The following EYA1 variants were observed in gnomAD, a reference collection of about 807,000 sequenced individuals.
EYA1 encodes protein phosphatase EYA1.
In EYA1, 16 loss-of-function variants were observed where a neutral mutation model predicts 82.0. That is an observed-to-expected ratio of 0.20 (90% CI 0.13 to 0.30). The LOEUF is 0.30. EYA1 is among the 10% of genes least tolerant of loss of function. EYA1 has a pLI of 1.00. For synonymous variants in EYA1, 261 were observed against 264.4 expected (o/e 0.99, Z 0.12); for missense variants, 633 against 730.7 (o/e 0.87, Z 1.54).
At chr8:71,286,927 G>A (rs1327975067) in intron 9 of EYA1, among the ~76,000 whole-genome samples, 1 of 150,186 alleles carries the variant, frequency 6.7e-6, no homozygotes, top group African/African-American at 2.5e-5. Context: ...TCAGACTCCC[G>A]AGTAGCTGGG....
chr8:71,269,808 C>A lies in EYA1; in HGVS notation c.982G>T (p.Asp328Tyr). 1 of 1,613,496 alleles carries A rather than the reference C, an allele frequency of 6.2e-7. No homozygotes were observed. Among genetic ancestry groups the A allele is most frequent in the Non-Finnish European group, 8.5e-7 (1 of 1,179,538 alleles). ...DSDLERVFIWDLDETIIVFHS... is the reference protein window; with the variant it reads ...DSDLERVFIWYLDETIIVFHS... Reference sequence around the variant, plus strand: ...AAAACAATGATTGTCTCATCCAAGTCCCAGATGAACACTCTCTACAAAGGA... The same window carrying A: ...AAAACAATGATTGTCTCATCCAAGTACCAGATGAACACTCTCTACAAAGGA... The change falls in exon 11 of 18, where the codon GAC becomes TAC. Residue 328 changes from aspartate (D) to tyrosine (Y), a missense_variant. By Grantham distance (160) the Asp-to-Tyr change is radical (BLOSUM62 -3). Transcript: ENST00000340726.
At chr8:71,238,910 A>C (rs906971211) in intron 12 of EYA1, among the ~76,000 whole-genome samples, 2 of 152,066 alleles carry the variant, frequency 1.3e-5, no homozygotes, top group African/African-American at 2.4e-5. Flanking sequence ...TGCTAAGTAC[A>C]ATGTTTGCTA....
intron 4 of EYA1, among the ~76,000 whole-genome samples, chr8:71,331,287 T>TAC (rs1823829020): frequency 6.9e-6 from 1 of 145,000 alleles, no homozygotes; most frequent in African/African-American, 2.7e-5. Flanking sequence ...CACACACACA[T>TAC]ATATATACAT....
At chr8:71,278,846 G>A (rs1285737852) in intron 9 of EYA1, among the ~76,000 whole-genome samples, 1 of 152,204 alleles carries the variant, frequency 6.6e-6, no homozygotes, top group Non-Finnish European at 1.5e-5. Flanking sequence ...TATGCCAGTA[G>A]TGGTTGCAAA....
At chr8:71,353,341 T>G (rs1362307842) in intron 3 of EYA1, among the ~76,000 whole-genome samples, 2 of 152,230 alleles carry the variant, frequency 1.3e-5, no homozygotes, top group Non-Finnish European at 2.9e-5. Flanking sequence ...TGCTTTAATT[T>G]TATTTGCTCT....
intron 9 of EYA1, among the ~76,000 whole-genome samples, chr8:71,288,521 T>C (rs908232969): frequency 3.3e-5 from 5 of 152,210 alleles, no homozygotes; most frequent in African/African-American, 1.2e-4. Context: ...GAAGGTCTTC[T>C]GCAAAAGAAT....
At chr8:71,334,855 A>T (rs1329634840) in intron 3 of EYA1, among the ~76,000 whole-genome samples, 1 of 152,226 alleles carries the variant, frequency 6.6e-6, no homozygotes, top group African/African-American at 2.4e-5. Flanking sequence ...AAATACATAC[A>T]TGATATTTGG....
intron 11 of EYA1, among the ~76,000 whole-genome samples, chr8:71,257,014 AT>A: frequency 5.9e-5 from 9 of 152,188 alleles, no homozygotes; most frequent in African/African-American, 2.2e-4. Flanking sequence ...AAAAAATAAA[AT>A]AAAAAATAAT....
In EYA1 at chr8:71,282,220, G is replaced by T. The variant is rs144149018; in HGVS notation, c.827-10323C>A. Among the ~76,000 whole-genome samples, 438 of 152,262 alleles carry T rather than the reference G, an allele frequency of 2.9e-3. 1 individual carries two copies. Among genetic ancestry groups the T allele is most frequent in the African/African-American group, 9.9e-3 (410 of 41,538 alleles). ...CATGAGACTCCAGTGCCCTGTCACT[G>T]ATTCCAGTCCACGTTCCCTTTACTC... On this transcript the variant is annotated intron_variant, in intron 9 of 17. Coordinates refer to ENST00000340726, the MANE Select transcript of EYA1 (RefSeq NM_000503.6).
At chr8:71,411,720 C>G (rs1400228804) in intron 2 of EYA1, among the ~76,000 whole-genome samples, 1 of 145,492 alleles carries the variant, frequency 6.9e-6, no homozygotes, top group Non-Finnish European at 1.5e-5. Context: ...ATTAAAAAGT[C>G]AGGAAACAAC....
At chr8:71,435,553 G>A (rs1940700022) in intron 2 of EYA1, among the ~76,000 whole-genome samples, 1 of 152,016 alleles carries the variant, frequency 6.6e-6, no homozygotes, top group South Asian at 2.1e-4. Flanking sequence ...TGGGTTGGGG[G>A]GAAGAGGAGC....
At chr8:71,230,630 T>G (rs994601053) in intron 12 of EYA1, among the ~76,000 whole-genome samples, 2 of 152,192 alleles carry the variant, frequency 1.3e-5, no homozygotes, top group African/African-American at 4.8e-5. Flanking sequence ...ACCTCTGAAG[T>G]GTTTACTGTC....
rs1827221539 is a variant in EYA1, at chr8:71,359,889, AT to A, written c.-55+1757del. Among the ~76,000 whole-genome samples, 3 of 152,234 alleles carry A rather than the reference AT, an allele frequency of 2.0e-5. No homozygotes were observed. The South Asian group carries it at 6.2e-4, about 32-fold the overall frequency. On this transcript the variant is annotated intron_variant, in intron 1 of 17. Transcript: ENST00000340726. ...AATGGCAATTTTCTCATCAGAATGT[AT>A]TTTATGTAAAAAAAATTTTCCTTAG...
chr8:71,479,591 C>G (rs1809960167), intron 2 of EYA1, among the ~76,000 whole-genome samples: 1 of 94,276 alleles, frequency 1.1e-5, no homozygotes, highest in African/African-American at 3.6e-5. Context: ...TGAGCAGAAA[C>G]AGTAAAAATA....
chr8:71,502,810 G>C (rs553743701), intron 2 of EYA1, among the ~76,000 whole-genome samples: 1 of 152,146 alleles, frequency 6.6e-6, no homozygotes, highest in East Asian at 1.9e-4. Context: ...CTACAATCTT[G>C]CCTCCCTGTA....
intron 1 of EYA1, among the ~76,000 whole-genome samples, chr8:71,546,532 G>T (rs1324269543): frequency 1.4e-5 from 2 of 139,392 alleles, no homozygotes; most frequent in African/African-American, 2.8e-5. Flanking sequence ...TTTTTTGAAC[G>T]CTCTGTCGCC....
intron 2 of EYA1, among the ~76,000 whole-genome samples, chr8:71,456,516 G>C (rs1807930061): frequency 6.6e-6 from 1 of 152,016 alleles, no homozygotes; most frequent in Non-Finnish European, 1.5e-5. Flanking sequence ...ATACTACAAG[G>C]CTACAGTAAC....
chr8:71,463,904 A>G (rs950829624), intron 2 of EYA1, among the ~76,000 whole-genome samples: 1 of 151,952 alleles, frequency 6.6e-6, no homozygotes, highest in East Asian at 1.9e-4. Context: ...TCTCGCCTTC[A>G]CATTTTCTTT....
intron 2 of EYA1, among the ~76,000 whole-genome samples, chr8:71,382,820 T>C (rs928286123): frequency 1.3e-5 from 2 of 152,120 alleles, no homozygotes; most frequent in Non-Finnish European, 2.9e-5. Context: ...ACAGAAATCA[T>C]ATCGATTTCT....
Sources: allele counts gnomAD v4.1 joint callset (sites outside exome capture counted in the v4.1 genomes callset), GRCh38; gene constraint gnomAD v4.1.1; transcripts MANE v1.5; gene names NCBI Gene and HGNC (gene_info 2026-07-23, HGNC 2026-07-21).